Variants in TRHDE observed in about 807,000 individuals in gnomAD.
TRHDE encodes thyrotropin releasing hormone degrading enzyme.
In TRHDE, 72 loss-of-function variants were observed where a neutral mutation model predicts 125.7. The observed-to-expected ratio is 0.57, with a 90% CI of 0.47 to 0.70. The LOEUF is 0.70. Ranked by LOEUF, TRHDE falls within the 30% of genes least tolerant of loss-of-function variation. The pLI is 0.00. For synonymous variants in TRHDE, 509 were observed against 509.1 expected, an observed-to-expected ratio of 1.00 and a Z score of 0.00; for missense variants, 1,110 against 1,327.1, an observed-to-expected ratio of 0.84 and a Z score of 2.54.
At chr12:72,311,824 G>A (rs1320534554) in intron 2 of TRHDE, among the ~76,000 whole-genome samples, 1 of 152,134 alleles carries the variant, frequency 6.6e-6, no homozygotes, top group Non-Finnish European at 1.5e-5. Context: ...ACATATGGGG[G>A]AGAATGAAAC....
intron 2 of TRHDE, among the ~76,000 whole-genome samples, chr12:72,341,490 C>A (rs1870085440): frequency 6.6e-6 from 1 of 152,094 alleles, no homozygotes. Context: ...AATTTTCTAA[C>A]TGGCATATCA....
In TRHDE at chr12:72,666,871, T is replaced by A. The variant is rs565192104; in HGVS notation, c.*3676T>A. The A allele has an allele frequency of 6.6e-6, 1 of 152,170 alleles. No individual in the cohort carries two copies. Among genetic ancestry groups the A allele is most frequent in the Admixed American group, 6.6e-5 (1 of 15,252 alleles). 9.4% of individuals were successfully genotyped at this position (152,170 alleles called of 1,614,324 possible). On this transcript the variant is annotated 3_prime_UTR_variant, in exon 19 of 19. Transcript: ENST00000261180. ...AAATAATTTAATTCATTTAGTTTAT[T>A]AATTATATTTCCTGTCTGTATCTTT... is the stretch of plus-strand genomic sequence containing the variant.
At chr12:72,509,909 T>C (rs1234735370) in intron 6 of TRHDE, among the ~76,000 whole-genome samples, 2 of 152,220 alleles carry the variant, frequency 1.3e-5, no homozygotes, top group Non-Finnish European at 2.9e-5. Context: ...CATCTGTTTA[T>C]AGGAATTAGG....
rs1875129959 is a variant in TRHDE, at chr12:72,666,843, G to A, written c.*3648G>A. 1.3e-5 allele frequency: 2 copies of A among 152,060 alleles called. No individual in the cohort carries two copies. The highest frequency in any genetic ancestry group is 4.8e-5 in the African/African-American group (2 of 41,530). 9.4% of individuals were successfully genotyped at this position (152,060 alleles called of 1,614,324 possible). A position where few individuals can be genotyped will look rare whatever the true frequency, so the allele number is the denominator to read the frequency against. ...GTCAGTATAAATAATCAAATATTGG[G>A]ACAAATAATTTAATTCATTTAGTTT... On this transcript the variant is annotated 3_prime_UTR_variant, in exon 19 of 19. Coordinates refer to ENST00000261180, the MANE Select transcript of TRHDE (RefSeq NM_013381.3).
chr12:72,391,296 T>C (rs1872602664), intron 3 of TRHDE, among the ~76,000 whole-genome samples: 1 of 152,166 alleles, frequency 6.6e-6, no homozygotes. Flanking sequence ...TAGACTGAAG[T>C]GTGAAACAAA....
intron 3 of TRHDE, among the ~76,000 whole-genome samples, chr12:72,463,251 TA>T (rs1876211697): frequency 6.6e-6 from 1 of 152,216 alleles, no homozygotes; most frequent in Non-Finnish European, 1.5e-5. Context: ...TCTTCAGCAT[TA>T]AAACTCTTGT....
chr12:72,385,392 A>G (rs1422735243), intron 3 of TRHDE, among the ~76,000 whole-genome samples: 1 of 152,114 alleles, frequency 6.6e-6, no homozygotes, highest in African/African-American at 2.4e-5. Flanking sequence ...CCATAGAGAA[A>G]TAAGTTTCTT....
chr12:72,525,634 TGAGAGAGAGAGA>T (rs1204575457), intron 6 of TRHDE, among the ~76,000 whole-genome samples: 1 of 98,842 alleles, frequency 1.0e-5, no homozygotes, highest in Non-Finnish European at 2.8e-5. Context: ...TGTGTGTGTG[TGAGAGAGAGAGA>T]GAGAGAGAGA....
At chr12:72,146,028 G>A (rs544921977) in intron 2 of TRHDE, among the ~76,000 whole-genome samples, 2 of 152,104 alleles carry the variant, frequency 1.3e-5, no homozygotes, top group East Asian at 3.9e-4. Context: ...TCTCCTACTA[G>A]GCATTTCTCA....
chr12:72,141,116 T>G (rs1189562526), intron 2 of TRHDE, among the ~76,000 whole-genome samples: 1 of 152,134 alleles, frequency 6.6e-6, no homozygotes, highest in East Asian at 1.9e-4. Flanking sequence ...TATGAAGATA[T>G]AAGGCACCTT....
Position 72,198,781 on chromosome 12 carries a change from T to G in TRHDE, n.279+93029T>G, listed in dbSNP as rs1877494932. On this transcript the variant is annotated intron_variant and non_coding_transcript_variant, in intron 2 of 4. Transcript: ENST00000548156. ...GTGAGTGTATTAGTCTATTTTCACA[T>G]TGCAATAAAGATACAACCTGAGACT... Among the ~76,000 whole-genome samples, 3 of 152,172 alleles carry G rather than the reference T, an allele frequency of 2.0e-5. No homozygotes were observed. In the South Asian group the frequency reaches 6.2e-4, roughly 32 times the overall value.
intron 5 of TRHDE, among the ~76,000 whole-genome samples, chr12:72,488,825 G>A (rs1441707170): frequency 6.6e-6 from 1 of 151,832 alleles, no homozygotes; most frequent in Admixed American, 6.6e-5. Flanking sequence ...ACAGTGGTCT[G>A]AAACTAGAAA....
intron 2 of TRHDE, among the ~76,000 whole-genome samples, chr12:72,224,290 G>C (rs188108752): frequency 6.0e-4 from 91 of 151,702 alleles, no homozygotes; most frequent in South Asian, 3.1e-3. Flanking sequence ...ACCAGAACCA[G>C]AGCTGTTAGG....
chr12:72,470,863 C>CT (rs768937293), intron 4 of TRHDE, among the ~76,000 whole-genome samples: 1,927 of 67,946 alleles, frequency 0.028, 597 homozygotes, highest in Non-Finnish European at 0.038. Context: ...TAAATGTCAG[C>CT]TTTTTTTTTT....
In TRHDE at chr12:72,400,183, G is replaced by A. The variant is rs534777204; in HGVS notation, c.1315+22062G>A. ...TCTGATTAGGCAAGGGTATCTGCTTGTATATTAGTAAAATGAATTTTTACA... is the reference window on the plus strand; with the variant it reads ...TCTGATTAGGCAAGGGTATCTGCTTATATATTAGTAAAATGAATTTTTACA... On this transcript the variant is annotated intron_variant, in intron 3 of 18. Coordinates refer to ENST00000261180, the MANE Select transcript of TRHDE (RefSeq NM_013381.3). Among the ~76,000 whole-genome samples, 7 of 152,180 alleles carry A rather than the reference G, an allele frequency of 4.6e-5. No individual in the cohort carries two copies. In the South Asian group the frequency reaches 8.3e-4, roughly 18 times the overall value.
intron 12 of TRHDE, among the ~76,000 whole-genome samples, chr12:72,602,879 A>G (rs1846803011): frequency 6.6e-6 from 1 of 152,212 alleles, no homozygotes; most frequent in African/African-American, 2.4e-5. Flanking sequence ...ACAATCCAGC[A>G]GCAACTACTT....
At chr12:72,559,155 TCA>T (rs1490803387) in intron 7 of TRHDE, among the ~76,000 whole-genome samples, 3 of 152,188 alleles carry the variant, frequency 2.0e-5, no homozygotes, top group African/African-American at 7.2e-5. Context: ...CATTTCCTTC[TCA>T]GTTACTCAGT....
At chr12:72,126,968 T>C (rs1307980596) in intron 2 of TRHDE, among the ~76,000 whole-genome samples, 1 of 152,058 alleles carries the variant, frequency 6.6e-6, no homozygotes, top group East Asian at 1.9e-4. Flanking sequence ...AGGTCTATTA[T>C]CCAGAATCAA....
In TRHDE at chr12:72,378,248, CA is replaced by C. The variant is rs539561814; in HGVS notation, c.1315+136del. On this transcript the variant is annotated intron_variant, in intron 3 of 18. Transcript: ENST00000261180. ...TTTATATTTTTAGAGAAGATAAGCA[CA>C]AAAAAAAATTTCTTTTGAAGAGGTA... The C allele has an allele frequency of 4.8e-3, 4,588 of 958,180 alleles. 25 individuals are homozygous for C. The highest frequency in any genetic ancestry group is 5.7e-3 in the Non-Finnish European group (3,992 of 696,934). 59.4% of individuals were successfully genotyped at this position (958,180 alleles called of 1,614,324 possible).
Sources: gnomAD v4.1 joint callset for allele counts (sites outside exome capture counted in the v4.1 genomes callset) on GRCh38, gnomAD v4.1.1 for gene constraint, MANE v1.5 for transcripts, NCBI Gene and HGNC (gene_info 2026-07-23, HGNC 2026-07-21) for gene names.